The following MYH8 variants were observed in gnomAD, a reference collection of about 807,000 sequenced individuals.
MYH8 encodes myosin heavy chain 8.
Under a neutral mutation model 233.2 loss-of-function variants are expected in MYH8, and 168 were observed. The ratio of observed to expected loss-of-function variants is 0.72; its 90% CI spans 0.64 to 0.82. The LOEUF (loss-of-function observed/expected upper bound fraction) is 0.82. Ranked by LOEUF, MYH8 falls within the 40% of genes least tolerant of loss-of-function variation. The pLI, the probability that MYH8 is intolerant of heterozygous loss-of-function variation, is 0.00. For synonymous variants in MYH8, 785 were observed against 850.6 expected (o/e 0.92, Z 1.34); for missense variants, 1,995 against 2,327.8 (o/e 0.86, Z 2.94).
Position 10,398,559 on chromosome 17 carries a change from C to T in MYH8, c.4063G>A (p.Glu1355Lys). Residue 1355 changes from glutamate (E) to lysine (K), a missense_variant, in exon 30 of 40, where the codon GAA (glutamate) becomes AAA (lysine). Physicochemically the swap from Glu to Lys is moderately conservative, Grantham distance 56. Coordinates refer to ENST00000403437, the MANE Select transcript of MYH8 (RefSeq NM_002472.3). ...GCCCTCTGCAGCTCAGCTTTGCCTT[C>T]CTGCTCTTCCTCATACTGTTCCCGC... The part of the protein sequence containing the change: ...LLREQYEEEQ[E>K]GKAELQRALS... 2 of 1,614,204 alleles carry T rather than the reference C, an allele frequency of 1.2e-6. No homozygotes were observed. Among genetic ancestry groups the T allele is most frequent in the Non-Finnish European group, 1.7e-6 (2 of 1,180,028 alleles).
At chr17:10,399,421 T>C in intron 28 of MYH8, 122 bp downstream of exon 28, 1 of 1,552,006 alleles carries the variant, frequency 6.4e-7, no homozygotes, top group Non-Finnish European at 8.8e-7. Context: ...TTTTTGACCT[T>C]CTTAGCAAAC....
rs575741895 is a variant in MYH8, at chr17:10,393,816, A to G, written c.5166+433T>C. ...AGGAATGCTAAATGAGCTGTAAGGC[A>G]TGGGGACAGTGAACACAGCAGTGCT... is the stretch of plus-strand genomic sequence containing the variant. On this transcript the variant is annotated intron_variant, in intron 35 of 39. Transcript: ENST00000403437. Among the ~76,000 whole-genome samples the G allele has an allele frequency of 7.9e-5, 12 of 152,302 alleles. 1 individual carries two copies. The East Asian group carries it at 2.3e-3, about 29-fold the overall frequency.
rs972319997 is a variant in MYH8, at chr17:10,392,726, G to T, written c.5464-80C>A. 3.1e-6 allele frequency: 5 copies of T among 1,613,314 alleles called. No individual in the cohort carries two copies. The East Asian group carries it at 1.1e-4, about 36-fold the overall frequency. On this transcript the variant is annotated intron_variant, in intron 37 of 39. Transcript: ENST00000403437. ...AAGACCTACTGAAGGCATGGGGTGG[G>T]TGTTCCCAGCCCCAGGACAGGATGG... is the stretch of plus-strand genomic sequence containing the variant.
rs1567690410 is a variant in MYH8 at position 10,417,872 on chromosome 17, A to AT, written c.511+772_511+773insA. 1.3e-5 allele frequency among the ~76,000 whole-genome samples: 2 copies of AT among 152,208 alleles called. No homozygotes were observed. Among genetic ancestry groups the AT allele is most frequent in the Admixed American group, 1.3e-4 (2 of 15,282 alleles). On this transcript the variant is annotated intron_variant, in intron 5 of 39. Transcript: ENST00000403437. This position sits in a 1 kb window ranked among gnomAD's most constrained non-coding sequence, Gnocchi z 4.1. ...ACAATTTAAAAACAAGTGCAAAAAA[A>AT]CAAACCAAAAAGAAAGAAAAAACAC... is the stretch of plus-strand genomic sequence containing the variant.
At position 10,400,455 on chromosome 17, in the gene MYH8, TCTC is replaced by T. The variant is rs2072127207; in HGVS notation, c.3667_3669del (p.Glu1223del). ...TCAGTCTCCATCTTCAGCTCACTCTTCTCCTTCTCCAGCTTCTGTTTGACCCGC... is the reference window on the plus strand; with the variant it reads ...TCAGTCTCCATCTTCAGCTCACTCTTCTTCTCCAGCTTCTGTTTGACCCGC... On this transcript the variant is annotated inframe_deletion, in exon 27 of 40. Transcript: ENST00000403437. The surrounding 1 kb of genome is among the most constrained non-coding windows in gnomAD (Gnocchi z 4.0). The T allele has an allele frequency of 1.9e-6, 3 of 1,613,852 alleles. No homozygotes were observed. The highest frequency in any genetic ancestry group is 1.7e-6 in the Non-Finnish European group (2 of 1,179,950).
rs1300132926 is a variant in MYH8 at position 10,392,874 on chromosome 17, G to A, written c.5420C>T (p.Ala1807Val). Residue 1807 changes from alanine to valine, a missense_variant, in exon 37 of 40, where the codon GCG becomes GTG. Coordinates refer to ENST00000403437, the MANE Select transcript of MYH8 (RefSeq NM_002472.3). Reference protein sequence around the residue: ...QHRLDEAEQLALKGGKKQIQK... With the variant: ...QHRLDEAEQLVLKGGKKQIQK... Reference sequence around the variant, plus strand: ...GATCTGCTTCTTCCCACCCTTCAGCGCCAGCTGCTCGGCCTCATCTAGACG... The same window carrying A: ...GATCTGCTTCTTCCCACCCTTCAGCACCAGCTGCTCGGCCTCATCTAGACG... The A allele has an allele frequency of 8.7e-6, 14 of 1,613,968 alleles. No homozygotes were observed. Among genetic ancestry groups the A allele is most frequent in the African/African-American group, 1.3e-5 (1 of 74,890 alleles).
In MYH8 at chr17:10,406,972, A is replaced by T. The variant is rs746410520; in HGVS notation, c.1973T>A (p.Leu658Ter). 59 of 1,613,510 alleles carry T rather than the reference A, an allele frequency of 3.7e-5. No homozygotes were observed. Among genetic ancestry groups the T allele is most frequent in the Non-Finnish European group, 5.0e-5 (59 of 1,179,542 alleles). ...QTVSALFREN[L>*]NKLMTNLRST... ...CCTCAGATTCGTCATCAATTTATTT[A>T]AATTTTCCTAGAAAACCAGACAGAA... Residue 658 changes from leucine to a stop codon, truncating the protein, a stop_gained, in exon 18 of 40, where the codon TTA (leucine) becomes TAA (stop). Transcript: ENST00000403437. LOFTEE classifies it high-confidence loss of function.
chr17:10,400,367 C>T lies in MYH8; in HGVS notation c.3735+23G>A. On this transcript the variant is annotated intron_variant, in intron 27 of 39. Coordinates refer to ENST00000403437, the MANE Select transcript of MYH8 (RefSeq NM_002472.3). This position sits in a 1 kb window ranked among gnomAD's most constrained non-coding sequence, Gnocchi z 4.0. ...GGGTGTTCTTACAGATGATTACCTT[C>T]ATTTAGAGACAGTATTGGGTACCTT... 1.9e-6 allele frequency: 3 copies of T among 1,609,688 alleles called. No homozygotes were observed. The highest frequency in any genetic ancestry group is 2.5e-6 in the Non-Finnish European group (3 of 1,179,826).
Position 10,400,413 on chromosome 17 carries a change from C to G in MYH8, c.3712G>C (p.Ala1238Pro). Residue 1238 changes from alanine to proline, a missense_variant, in exon 27 of 40, where the codon GCA becomes CCA. Ala to Pro is a conservative substitution (Grantham distance 27). Transcript: ENST00000403437. The surrounding 1 kb of genome is among the most constrained non-coding windows in gnomAD (Gnocchi z 4.0). The stretch of plus-strand genomic sequence containing the variant: ...ACCTTGGCTTTGGAAATGGCCTCTG[C>G]GTTACTGCTGAGGTCATCAGTCTCC... ...KMETDDLSSN[A>P]EAISKAKGNL... The G allele has an allele frequency of 6.2e-7, 1 of 1,613,590 alleles. No homozygotes were observed. The highest frequency in any genetic ancestry group is 1.1e-5 in the South Asian group (1 of 91,068).
In MYH8 at chr17:10,396,840, C is replaced by T; in HGVS notation, c.4325G>A (p.Cys1442Tyr). The T allele has an allele frequency of 6.2e-7, 1 of 1,614,222 alleles. No individual in the cohort carries two copies. Among genetic ancestry groups the T allele is most frequent in the South Asian group, 1.1e-5 (1 of 91,082 alleles). Residue 1442 changes from cysteine to tyrosine, a missense_variant, in exon 31 of 40, where the codon TGT (cysteine) becomes TAT (tyrosine). Around this residue, in one of 3 missense-constraint regions of MYH8, gnomAD observed 1,498 missense variants for 1,680.9 expected, o/e 0.89. Transcript: ENST00000403437. This position sits in a 1 kb window ranked among gnomAD's most constrained non-coding sequence, Gnocchi z 4.2. ...MLDVERSNAA[C>Y]AALDKKQRNF... is the part of the protein sequence containing the mutation. ...CCTTTGCTTCTTATCAAGGGCTGCA[C>T]AGGCTGCATTAGACCTTTCCACATC...
At chr17:10,391,861 C>T (rs777425810) in intron 39 of MYH8, 21 bp downstream of exon 39, 4 of 1,597,848 alleles carry the variant, frequency 2.5e-6, no homozygotes, top group Middle Eastern at 1.7e-4. Flanking sequence ...CTTCTTTCCT[C>T]AAGGGCTTAA....
chr17:10,399,542 C>T lies in MYH8; in HGVS notation c.3862+1G>A, dbSNP rs371876260. On this transcript the variant is annotated splice_donor_variant, in intron 28 of 39. Transcript: ENST00000403437. LOFTEE classifies it high-confidence loss of function. ...TTGGGACCCAGAGAAGATGTCTTTA[C>T]CCGCTTCTGTCTGCAGGCGCGCTCT... is the stretch of plus-strand genomic sequence containing the variant. 1.2e-6 allele frequency: 2 copies of T among 1,613,208 alleles called. No individual in the cohort carries two copies. Among genetic ancestry groups the T allele is most frequent in the Non-Finnish European group, 1.7e-6 (2 of 1,179,954 alleles).
chr17:10,409,696 T>A lies in MYH8; in HGVS notation c.1588-108A>T, dbSNP rs2072228106. The A allele has an allele frequency of 3.5e-6, 5 of 1,439,170 alleles. 1 individual carries two copies. Among genetic ancestry groups the A allele is most frequent in the African/African-American group, 2.8e-5 (2 of 71,222 alleles). The allele number at this position is 1,439,170 out of a possible 1,614,324, so 89.2% of individuals were successfully genotyped here. A position where few individuals can be genotyped will look rare whatever the true frequency, so the allele number is the denominator to read the frequency against. ...TGAGCACCCCAATTAAATATATGTA[T>A]GAAATAAACCAGGGTCACAGCTCGA... is the stretch of plus-strand genomic sequence containing the variant. On this transcript the variant is annotated intron_variant, in intron 15 of 39. Coordinates refer to ENST00000403437, the MANE Select transcript of MYH8 (RefSeq NM_002472.3).
chr17:10,392,463 A>T, intron 38 of MYH8, 79 bp downstream of exon 38: 1 of 1,245,940 alleles, frequency 8.0e-7, no homozygotes, highest in South Asian at 1.2e-5. Context: ...TGTGAGTGGC[A>T]TATAAATAAA....
rs2072132335 is a variant in MYH8, at chr17:10,400,748, T to A, written c.3377A>T (p.Glu1126Val). Residue 1126 changes from glutamate (E) to valine (V), a missense_variant, in exon 27 of 40, where the codon GAG (glutamate) becomes GTG (valine). This residue lies in a region of MYH8 where 1,498 missense variants were observed against 1,680.9 expected (regional missense o/e 0.89). Transcript: ENST00000403437. The surrounding 1 kb of genome is among the most constrained non-coding windows in gnomAD (Gnocchi z 4.0). ...TTTGGCTCGGGACGCCCTCTCTGCCTCGATTTCTTCCCCCAGCTCCTCAAT... is the reference window on the plus strand; with the variant it reads ...TTTGGCTCGGGACGCCCTCTCTGCCACGATTTCTTCCCCCAGCTCCTCAAT... Reference protein sequence around the residue: ...ARIEELGEEIEAERASRAKAE... With the variant: ...ARIEELGEEIVAERASRAKAE... The A allele has an allele frequency of 6.2e-7, 1 of 1,614,184 alleles. No individual in the cohort carries two copies. Among genetic ancestry groups the A allele is most frequent in the South Asian group, 1.1e-5 (1 of 91,080 alleles).
intron 22 of MYH8, 41 bp from the exon 23 acceptor site, chr17:10,401,826 A>G (rs2072146250): frequency 6.2e-7 from 1 of 1,613,158 alleles, no homozygotes; most frequent in African/African-American, 1.3e-5. Context: ...TCTGTTACTT[A>G]TTTTGAAACT....
chr17:10,414,548 C>A, intron 9 of MYH8, 64 bp from the exon 10 acceptor site: 1 of 1,117,488 alleles, frequency 8.9e-7, no homozygotes. Flanking sequence ...AGTAAATGAA[C>A]CTCACGTCTT....
chr17:10,404,624 C>T (rs2072174337), intron 21 of MYH8, 39 bp from the exon 22 acceptor site: 3 of 1,612,100 alleles, frequency 1.9e-6, no homozygotes, highest in African/African-American at 2.7e-5. Flanking sequence ...ACTAATCCAT[C>T]AGAGCCAATG....
chr17:10,396,706 A>G lies in MYH8; in HGVS notation c.4375T>C (p.Trp1459Arg), dbSNP rs1474422672. 1.2e-5 allele frequency: 20 copies of G among 1,614,202 alleles called. No individual in the cohort carries two copies. Among genetic ancestry groups the G allele is most frequent in the Non-Finnish European group, 1.6e-5 (19 of 1,180,042 alleles). The change falls in exon 32 of 40, where the codon TGG (tryptophan) becomes CGG (arginine). Residue 1459 changes from tryptophan to arginine, a missense_variant. Trp to Arg is a moderately radical substitution (Grantham distance 101). This residue lies in a region of MYH8 where 1,498 missense variants were observed against 1,680.9 expected (regional missense o/e 0.89). Transcript: ENST00000403437. This position sits in a 1 kb window ranked among gnomAD's most constrained non-coding sequence, Gnocchi z 4.2. ...QRNFDKVLSEWKQKYEETQAE... is the reference protein window; with the variant it reads ...QRNFDKVLSERKQKYEETQAE... ...TGAGTTTCCTCATACTTCTGCTTCC[A>G]TTCTGATAGGACCTGAAAAGCAATA... is the stretch of plus-strand genomic sequence containing the variant.
Sources: allele counts gnomAD v4.1 joint callset (sites outside exome capture counted in the v4.1 genomes callset), GRCh38; gene constraint gnomAD v4.1.1; regional missense constraint gnomAD v4.1.1; non-coding constraint Gnocchi (gnomAD v3.1); transcripts MANE v1.5; gene names NCBI Gene and HGNC (gene_info 2026-07-23, HGNC 2026-07-21).